Variants in GHR observed in about 807,000 individuals in gnomAD.
GHR encodes the protein GH receptor.
GHR carries 35 observed loss-of-function variants against 67.1 expected under a neutral mutation model. That is an observed-to-expected ratio of 0.52 (90% confidence interval 0.40 to 0.69). The LOEUF is 0.69. GHR is among the 30% of genes least tolerant of loss of function. The pLI is 0.00. For synonymous variants in GHR, 272 were observed against 269.1 expected, an observed-to-expected ratio of 1.01 and a Z score of -0.10; for missense variants, 792 against 764.6, an observed-to-expected ratio of 1.04 and a Z score of -0.42.
chr5:42,693,432 C>T (rs1728877433), intron 4 of GHR, among the ~76,000 whole-genome samples: 1 of 152,096 alleles, frequency 6.6e-6, no homozygotes, highest in African/African-American at 2.4e-5. Context: ...AACCACCGTA[C>T]CCAGCCAGCA....
intron 6 of GHR, among the ~76,000 whole-genome samples, chr5:42,705,959 G>T (rs1758156093): frequency 6.6e-6 from 1 of 152,120 alleles, no homozygotes; most frequent in East Asian, 1.9e-4. Context: ...AGTTCTTTGA[G>T]AAGTTGCTAA....
At chr5:42,640,345 A>G (rs1177335547) in intron 3 of GHR, among the ~76,000 whole-genome samples, 1 of 152,178 alleles carries the variant, frequency 6.6e-6, no homozygotes, top group Non-Finnish European at 1.5e-5. Context: ...ACTAACATCT[A>G]TCTCAAAGGG....
At chr5:42,445,380 T>C (rs1743764014) in intron 1 of GHR, among the ~76,000 whole-genome samples, 1 of 152,206 alleles carries the variant, frequency 6.6e-6, no homozygotes, top group African/African-American at 2.4e-5. Flanking sequence ...GTCAGATTTA[T>C]TGATGGAATT....
intron 6 of GHR, among the ~76,000 whole-genome samples, chr5:42,704,984 C>G (rs1758107333): frequency 6.6e-6 from 1 of 151,654 alleles, no homozygotes. Context: ...ATCTTTTCTA[C>G]TGTTTTAATG....
intron 5 of GHR, among the ~76,000 whole-genome samples, chr5:42,695,945 A>G (rs551212476): frequency 7.9e-5 from 12 of 152,352 alleles, no homozygotes; most frequent in Non-Finnish European, 1.6e-4. Flanking sequence ...TAGAACTTAC[A>G]GATAGAAACA....
chr5:42,589,708 A>G (rs941433535), intron 2 of GHR, among the ~76,000 whole-genome samples: 1 of 152,214 alleles, frequency 6.6e-6, no homozygotes, highest in African/African-American at 2.4e-5. Context: ...GCAACATATA[A>G]GAGGATTGAC....
intron 2 of GHR, 63 bp downstream of exon 2, chr5:42,566,007 A>G: frequency 6.3e-7 from 1 of 1,578,318 alleles, no homozygotes. Flanking sequence ...TGTATTCGCT[A>G]CATCCAAGTT....
rs1158703387 is a variant in GHR at position 42,478,545 on chromosome 5, C to T, written c.-12+54590C>T. On this transcript the variant is annotated intron_variant, in intron 1 of 9. Transcript: ENST00000230882. ...GGAATGTTCTTCCATTTGTTTGTAT[C>T]CTCTTTTATTTCCTTGAGCAGTGGT... Among the ~76,000 whole-genome samples, 10 of 152,192 alleles carry T rather than the reference C, an allele frequency of 6.6e-5. No individual in the cohort carries two copies. The South Asian group carries it at 1.9e-3, about 28-fold the overall frequency.
chr5:42,464,890 T>C (rs1744659137), intron 1 of GHR, among the ~76,000 whole-genome samples: 1 of 152,188 alleles, frequency 6.6e-6, no homozygotes, highest in South Asian at 2.1e-4. Flanking sequence ...TAGGGCATAG[T>C]AACACAAATG....
intron 3 of GHR, among the ~76,000 whole-genome samples, chr5:42,676,861 T>C (rs577975710): frequency 1.3e-5 from 2 of 152,198 alleles, no homozygotes; most frequent in African/African-American, 4.8e-5. Flanking sequence ...GAAGGCTGCT[T>C]GGTCCCAAAG....
intron 1 of GHR, among the ~76,000 whole-genome samples, chr5:42,528,429 AG>A (rs1254464174): frequency 6.6e-6 from 1 of 152,222 alleles, no homozygotes; most frequent in African/African-American, 2.4e-5. Flanking sequence ...GGAAATAGCA[AG>A]AAAACTTGAA....
intron 1 of GHR, among the ~76,000 whole-genome samples, chr5:42,565,243 C>T (rs1378832694): frequency 6.6e-6 from 1 of 152,138 alleles, no homozygotes; most frequent in Non-Finnish European, 1.5e-5. Context: ...AAAATAAAAC[C>T]TCTCTACGAC....
At chr5:42,497,469 G>A (rs758379043) in intron 1 of GHR, among the ~76,000 whole-genome samples, 3 of 152,092 alleles carry the variant, frequency 2.0e-5, no homozygotes, top group Non-Finnish European at 4.4e-5. Flanking sequence ...AGTGTTTCTT[G>A]TTCAGTTTTG....
chr5:42,493,351 C>G (rs1277155942), intron 1 of GHR, among the ~76,000 whole-genome samples: 1 of 152,130 alleles, frequency 6.6e-6, no homozygotes, highest in Non-Finnish European at 1.5e-5. Flanking sequence ...GTTTGATTAT[C>G]AAGTATTTAT....
intron 1 of GHR, among the ~76,000 whole-genome samples, chr5:42,484,970 C>G (rs1477760111): frequency 6.6e-6 from 1 of 152,164 alleles, no homozygotes; most frequent in African/African-American, 2.4e-5. Context: ...ACCTTTGATT[C>G]CTTTACTTTA....
At chr5:42,562,644 CTTTTTTTTTTT>C (rs1212633265) in intron 1 of GHR, among the ~76,000 whole-genome samples, 1 of 77,730 alleles carries the variant, frequency 1.3e-5, no homozygotes, top group Non-Finnish European at 2.3e-5. Context: ...GTTATAGTTC[CTTTTTTTTTTT>C]TTTTTTTTTT....
At chr5:42,461,067 G>C (rs1321462864) in intron 1 of GHR, among the ~76,000 whole-genome samples, 1 of 152,078 alleles carries the variant, frequency 6.6e-6, no homozygotes. Flanking sequence ...TCATTCCTAG[G>C]ATGGACATTT....
At chr5:42,571,833 T>G (rs1750338725) in intron 2 of GHR, among the ~76,000 whole-genome samples, 1 of 152,206 alleles carries the variant, frequency 6.6e-6, no homozygotes, top group Non-Finnish European at 1.5e-5. Context: ...TGGCTCTTGT[T>G]ATGGGGTAGA....
At chr5:42,450,590 T>C (rs1443229164) in intron 1 of GHR, among the ~76,000 whole-genome samples, 5 of 152,150 alleles carry the variant, frequency 3.3e-5, no homozygotes, top group Non-Finnish European at 7.4e-5. Flanking sequence ...GTTTCACTTG[T>C]CTTTTGCATT....
Sources: gnomAD v4.1 joint callset for allele counts (sites outside exome capture counted in the v4.1 genomes callset) on GRCh38, gnomAD v4.1.1 for gene constraint, MANE v1.5 for transcripts, NCBI Gene and HGNC (gene_info 2026-07-23, HGNC 2026-07-21) for gene names.